Variants in PCDHA5 observed in about 807,000 individuals in gnomAD.
PCDHA5 encodes protocadherin alpha-5.
A neutral mutation model predicts 61.6 loss-of-function variants in PCDHA5; 43 were observed. The observed-to-expected ratio is 0.70, with a 90% confidence interval of 0.55 to 0.90. The LOEUF is 0.90. Among genes scored for constraint, PCDHA5 ranks in the 40% least tolerant of loss-of-function variants. The pLI, the probability that PCDHA5 is intolerant of heterozygous loss-of-function variation, is 0.00. For synonymous variants in PCDHA5, 627 were observed against 543.9 expected, an observed-to-expected ratio of 1.15 and a Z score of -2.13; for missense variants, 1,298 against 1,222.7, an observed-to-expected ratio of 1.06 and a Z score of -0.92.
intron 1 of PCDHA5, among the ~76,000 whole-genome samples, chr5:140,896,526 A>G (rs1554186988): frequency 6.9e-6 from 1 of 144,852 alleles, no homozygotes; most frequent in African/African-American, 2.5e-5. Context: ...CACAAAGCCC[A>G]GCTATTTTTC....
At chr5:140,851,290 G>A (rs2042014989) in intron 1 of PCDHA5, 2 of 1,033,710 alleles carry the variant, frequency 1.9e-6, no homozygotes, top group Non-Finnish European at 2.4e-6. Flanking sequence ...AGAAACCCAA[G>A]CAAAAATATA....
Position 140,841,358 on chromosome 5 carries a change from C to T in PCDHA5, c.2352+17231C>T, listed in dbSNP as rs2150314140. 4 of 1,612,986 alleles carry T rather than the reference C, an allele frequency of 2.5e-6. No individual in the cohort carries two copies. In the South Asian group the frequency reaches 4.4e-5, roughly 18 times the overall value. ...CTGGCGAGGAGAGCTGGGATCCTGG[C>T]GACTACTACTCTTGCTTCTGCTCCT... On this transcript the variant is annotated intron_variant, in intron 1 of 3. Transcript: ENST00000529859.
intron 1 of PCDHA5, among the ~76,000 whole-genome samples, chr5:140,873,896 G>T (rs111760299): frequency 6.6e-6 from 1 of 152,112 alleles, no homozygotes; most frequent in African/African-American, 2.4e-5. Context: ...CCTGACCTCA[G>T]GTGATCTGCC....
In PCDHA5 at chr5:140,966,787, A is replaced by C. The variant is rs781920865; in HGVS notation, c.2353-12162A>C. 5.9e-5 allele frequency: 90 copies of C among 1,526,700 alleles called. No homozygotes were observed. Among genetic ancestry groups the C allele is most frequent in the Non-Finnish European group, 7.7e-5 (88 of 1,139,948 alleles). The allele number at this position is 1,526,700 out of a possible 1,614,324, so 94.6% of individuals were successfully genotyped here. On this transcript the variant is annotated intron_variant, in intron 1 of 3. Coordinates refer to ENST00000529859, the MANE Select transcript of PCDHA5 (RefSeq NM_018908.3). ...TGGCTATGGAGCAGGCGGGCACCAG[A>C]CCTGCGGCGACAGAGCATCCACGGC...
intron 1 of PCDHA5, chr5:140,871,314 G>A (rs199741530): frequency 6.2e-7 from 1 of 1,614,048 alleles, no homozygotes; most frequent in East Asian, 2.2e-5. Context: ...GGAAGCCCAC[G>A]CTGGTGTGCT....
chr5:140,940,045 G>T (rs2092536047), intron 1 of PCDHA5, among the ~76,000 whole-genome samples: 1 of 152,038 alleles, frequency 6.6e-6, no homozygotes, highest in African/African-American at 2.4e-5. Flanking sequence ...TATTTTATTA[G>T]ATTCTTAACC....
At chr5:140,958,796 T>C (rs2095443333) in intron 1 of PCDHA5, among the ~76,000 whole-genome samples, 2 of 152,182 alleles carry the variant, frequency 1.3e-5, no homozygotes, top group Admixed American at 6.5e-5. Context: ...TCTAGTAAAT[T>C]ATCACACCAT....
intron 1 of PCDHA5, chr5:140,927,041 T>C: frequency 6.2e-7 from 1 of 1,612,456 alleles, no homozygotes; most frequent in South Asian, 1.1e-5. Flanking sequence ...GCGGCCGCTA[T>C]GTCCTCGCGG....
chr5:140,883,693 C>T (rs2059756382), intron 1 of PCDHA5: 2 of 1,613,790 alleles, frequency 1.2e-6, no homozygotes, highest in Non-Finnish European at 1.7e-6. Flanking sequence ...GCCACATCTT[C>T]ACGGTGTCTG....
intron 1 of PCDHA5, among the ~76,000 whole-genome samples, chr5:140,898,083 A>G (rs2066516404): frequency 6.6e-6 from 1 of 151,810 alleles, no homozygotes; most frequent in South Asian, 2.1e-4. Context: ...TAGATTCTGG[A>G]TATTAGCCCT....
chr5:140,913,824 TC>T, intron 1 of PCDHA5, among the ~76,000 whole-genome samples: 1 of 152,216 alleles, frequency 6.6e-6, no homozygotes, highest in Middle Eastern at 3.2e-3. Context: ...CTTTTAAATT[TC>T]TTTATTGACC....
At position 140,941,202 on chromosome 5, in the gene PCDHA5, C is replaced by CCCTTCTTTCTTTCTTT. The variant is rs2092811279; in HGVS notation, c.2353-37746_2353-37745insCTTCTTTCTTTCTTTC. Among the ~76,000 whole-genome samples, 5 of 122,742 alleles carry CCCTTCTTTCTTTCTTT rather than the reference C, an allele frequency of 4.1e-5. No homozygotes were observed. The East Asian group carries it at 1.1e-3, about 27-fold the overall frequency. 80.5% of individuals were successfully genotyped at this position (122,742 alleles called of 152,430 possible). On this transcript the variant is annotated intron_variant, in intron 1 of 3. Transcript: ENST00000529859. ...TCCTGCTTCTTTTTTTTTCTTTCTTCCTTTCTTTCTTCCTTTCTTTCTTTC... is the reference window on the plus strand; with the variant it reads ...TCCTGCTTCTTTTTTTTTCTTTCTTCCCTTCTTTCTTTCTTTCTTTCTTTCTTCCTTTCTTTCTTTC...
At chr5:140,927,505 G>T (rs782722913) in intron 1 of PCDHA5, 1 of 1,614,120 alleles carries the variant, frequency 6.2e-7, no homozygotes, top group East Asian at 2.2e-5. Flanking sequence ...GGTGCTTACA[G>T]CTCGGGACGG....
intron 1 of PCDHA5, chr5:140,877,741 A>T: frequency 1.2e-6 from 2 of 1,614,182 alleles, no homozygotes; most frequent in Non-Finnish European, 1.7e-6. Flanking sequence ...GAGGAGGCAG[A>T]GGGTGTGCTC....
intron 1 of PCDHA5, chr5:140,870,176 TACGAGAGG>T: frequency 6.2e-7 from 1 of 1,614,126 alleles, no homozygotes; most frequent in Non-Finnish European, 8.5e-7. Flanking sequence ...TCCCTCCCAG[TACGAGAGG>T]ACGCTCAGCC....
intron 1 of PCDHA5, chr5:140,856,278 A>G (rs1428005980): frequency 4.4e-6 from 7 of 1,598,190 alleles, no homozygotes; most frequent in Non-Finnish European, 6.0e-6. Context: ...CTGGAGGTAA[A>G]TCTGCAGAAT....
At chr5:141,001,455 G>T (rs2098019131) in intron 3 of PCDHA5, among the ~76,000 whole-genome samples, 1 of 152,210 alleles carries the variant, frequency 6.6e-6, no homozygotes, top group Non-Finnish European at 1.5e-5. Flanking sequence ...ACTGTCAATT[G>T]AAGGACTAAG....
intron 1 of PCDHA5, among the ~76,000 whole-genome samples, chr5:140,949,557 T>C (rs955949496): frequency 6.6e-6 from 1 of 151,888 alleles, no homozygotes; most frequent in Non-Finnish European, 1.5e-5. Flanking sequence ...CTGGTCATAC[T>C]TTTTTTCTTG....
chr5:140,837,522 T>C (rs1187305095), intron 1 of PCDHA5, among the ~76,000 whole-genome samples: 1 of 151,966 alleles, frequency 6.6e-6, no homozygotes. Flanking sequence ...TTTACTTTTT[T>C]TGTATATTCC....
Sources: allele counts gnomAD v4.1 joint callset (sites outside exome capture counted in the v4.1 genomes callset), GRCh38; gene constraint gnomAD v4.1.1; transcripts MANE v1.5; gene names NCBI Gene and HGNC (gene_info 2026-07-23, HGNC 2026-07-21).